NELL1: variants seen among roughly 807,000 people sequenced by gnomAD.
NELL1 encodes the protein neural EGFL like 1.
Under a neutral mutation model 107.4 loss-of-function variants are expected in NELL1, and 76 were observed. The observed-to-expected ratio is 0.71, with a 90% CI of 0.59 to 0.86. The LOEUF (loss-of-function observed/expected upper bound fraction) is 0.86. NELL1 is among the 40% of genes least tolerant of loss of function. The pLI is 0.00. For missense variants in NELL1, 1,024 were observed against 1,005.5 expected (o/e 1.02, Z -0.25); for synonymous variants, 353 against 341.2 (o/e 1.03, Z -0.38).
intron 3 of NELL1, among the ~76,000 whole-genome samples, chr11:20,800,188 C>T (rs1023515978): frequency 6.6e-5 from 10 of 152,092 alleles, no homozygotes; most frequent in Non-Finnish European, 1.3e-4. Flanking sequence ...TGTGTCCTTT[C>T]GATAGAATGA....
chr11:21,341,589 G>T (rs1311911873), intron 14 of NELL1, among the ~76,000 whole-genome samples: 1 of 152,146 alleles, frequency 6.6e-6, no homozygotes, highest in Non-Finnish European at 1.5e-5. Context: ...GGGTAAAGAA[G>T]GATAATTTCT....
intron 12 of NELL1, among the ~76,000 whole-genome samples, chr11:21,062,165 C>T (rs1334791732): frequency 6.6e-6 from 1 of 152,166 alleles, no homozygotes; most frequent in Non-Finnish European, 1.5e-5. Flanking sequence ...GTGAAATGCA[C>T]ACTACATTTT....
At chr11:21,314,650 G>A (rs75041852) in intron 14 of NELL1, among the ~76,000 whole-genome samples, 247 of 152,310 alleles carry the variant, frequency 1.6e-3, no homozygotes, top group Non-Finnish European at 2.8e-3. Context: ...TACTCAGCAT[G>A]CCTGGAGTAC....
chr11:20,747,944 G>C (rs1371423330), intron 2 of NELL1, among the ~76,000 whole-genome samples: 1 of 152,162 alleles, frequency 6.6e-6, no homozygotes, highest in Non-Finnish European at 1.5e-5. Flanking sequence ...AGCTGGCTGG[G>C]GAGGTGGGGA....
intron 13 of NELL1, among the ~76,000 whole-genome samples, chr11:21,121,154 G>T (rs893752585): frequency 1.3e-5 from 2 of 152,158 alleles, no homozygotes; most frequent in African/African-American, 4.8e-5. Flanking sequence ...CACTGCTTTA[G>T]CATAGAGCAG....
intron 13 of NELL1, among the ~76,000 whole-genome samples, chr11:21,223,403 CTATT>C (rs1378371612): frequency 6.6e-6 from 1 of 151,820 alleles, no homozygotes; most frequent in Non-Finnish European, 1.5e-5. Flanking sequence ...CTTTTGATAT[CTATT>C]TGTGTGGAAT....
intron 12 of NELL1, among the ~76,000 whole-genome samples, chr11:21,049,705 T>G (rs1853445384): frequency 6.6e-6 from 1 of 151,268 alleles, no homozygotes; most frequent in Non-Finnish European, 1.5e-5. Context: ...TGAGATGAAG[T>G]CTCTCTCTGT....
chr11:20,707,704 T>C (rs1855003416), intron 2 of NELL1, among the ~76,000 whole-genome samples: 1 of 152,230 alleles, frequency 6.6e-6, no homozygotes, highest in African/African-American at 2.4e-5. Flanking sequence ...GAACGGCAGA[T>C]GTTGCTGTCT....
intron 13 of NELL1, among the ~76,000 whole-genome samples, chr11:21,205,175 A>T (rs1266469399): frequency 2.0e-5 from 3 of 152,188 alleles, no homozygotes; most frequent in African/African-American, 7.2e-5. Context: ...AGCAGCCATC[A>T]GGCAGGCACA....
chr11:21,399,383 CAT>C (rs762510263), intron 15 of NELL1, among the ~76,000 whole-genome samples: 73 of 151,504 alleles, frequency 4.8e-4, no homozygotes, highest in Non-Finnish European at 6.3e-4. Context: ...CCAAGAAATG[CAT>C]AAGATTTAGG....
intron 3 of NELL1, among the ~76,000 whole-genome samples, chr11:20,829,855 A>G (rs767198230): frequency 4.6e-5 from 7 of 152,006 alleles, no homozygotes; most frequent in African/African-American, 7.3e-5. Context: ...ACGTGAAAGG[A>G]TTCCTTATAT....
intron 15 of NELL1, among the ~76,000 whole-genome samples, chr11:21,487,083 A>C (rs992881534): frequency 6.6e-6 from 1 of 152,196 alleles, no homozygotes; most frequent in South Asian, 2.1e-4. Context: ...CAAGTCAGGC[A>C]AAAGATTTAG....
intron 15 of NELL1, among the ~76,000 whole-genome samples, chr11:21,523,920 C>T (rs1405380309): frequency 1.3e-5 from 2 of 152,014 alleles, no homozygotes; most frequent in African/African-American, 4.8e-5. Context: ...AACATATATA[C>T]ATACGTATAT....
intron 15 of NELL1, among the ~76,000 whole-genome samples, chr11:21,442,075 C>T (rs562355058): frequency 8.6e-4 from 131 of 152,228 alleles, no homozygotes; most frequent in African/African-American, 2.9e-3. Flanking sequence ...AAAATATTAA[C>T]TTTTGTTTAT....
intron 13 of NELL1, among the ~76,000 whole-genome samples, chr11:21,200,646 C>T (rs1363940527): frequency 2.6e-5 from 4 of 152,272 alleles, no homozygotes; most frequent in African/African-American, 9.6e-5. Context: ...AATTAGATCC[C>T]ATTTGTCAAC....
intron 16 of NELL1, among the ~76,000 whole-genome samples, chr11:21,536,974 C>T (rs778242659): frequency 5.6e-4 from 86 of 152,304 alleles, no homozygotes; most frequent in Non-Finnish European, 1.0e-3. Context: ...CTTTCTTCAT[C>T]TACAACCTGA....
intron 9 of NELL1, among the ~76,000 whole-genome samples, chr11:20,933,690 A>G (rs367691516): frequency 8.5e-5 from 13 of 152,290 alleles, no homozygotes; most frequent in African/African-American, 3.1e-4. Flanking sequence ...ATACCTAAAT[A>G]AAGATAGGGA....
Position 20,669,590 on chromosome 11 carries a change from G to A in NELL1, c.-134G>A, listed in dbSNP as rs1349000402. On this transcript the variant is annotated 5_prime_UTR_variant, in exon 1 of 20. Transcript: ENST00000357134. The surrounding 1 kb of genome is among the most constrained non-coding windows in gnomAD (Gnocchi z 4.4). Reference sequence around the variant, plus strand: ...GGGCGCATATGCGAGCGCAGCACCCGGCGCTGCCGAGCCACCTCCCCCGCC... The same window carrying A: ...GGGCGCATATGCGAGCGCAGCACCCAGCGCTGCCGAGCCACCTCCCCCGCC... 12 of 659,322 alleles carry A rather than the reference G, an allele frequency of 1.8e-5. No individual in the cohort carries two copies. The highest frequency in any genetic ancestry group is 2.6e-5 in the Non-Finnish European group (10 of 380,744). 40.8% of individuals were successfully genotyped at this position (659,322 alleles called of 1,614,324 possible). A position where few individuals can be genotyped will look rare whatever the true frequency, so the allele number is the denominator to read the frequency against.
intron 4 of NELL1, among the ~76,000 whole-genome samples, chr11:20,869,549 G>A (rs1013814413): frequency 9.9e-5 from 15 of 152,130 alleles, no homozygotes; most frequent in Non-Finnish European, 1.9e-4. Context: ...CTGATCAGAT[G>A]GATACAATTT....
Sources: allele counts gnomAD v4.1 joint callset (sites outside exome capture counted in the v4.1 genomes callset), GRCh38; gene constraint gnomAD v4.1.1; non-coding constraint Gnocchi (gnomAD v3.1); transcripts MANE v1.5; gene names NCBI Gene and HGNC (gene_info 2026-07-23, HGNC 2026-07-21).